The following MAP4K4 variants were observed in gnomAD, a reference collection of about 807,000 sequenced individuals.
MAP4K4 encodes HPK/GCK-like kinase HGK.
In MAP4K4, 38 loss-of-function variants were observed where a neutral mutation model predicts 189.6. The ratio of observed to expected loss-of-function variants is 0.20; its 90% CI spans 0.15 to 0.26. The LOEUF (loss-of-function observed/expected upper bound fraction) is 0.26. MAP4K4 is among the 10% of genes least tolerant of loss of function. The pLI is 1.00. For missense variants in MAP4K4, 1,054 were observed against 1,726.9 expected (o/e 0.61, Z 6.91); for synonymous variants, 610 against 624.3 (o/e 0.98, Z 0.34).
At chr2:101,812,893 C>T (rs1477127100) in intron 3 of MAP4K4, among the ~76,000 whole-genome samples, 3 of 152,070 alleles carry the variant, frequency 2.0e-5, no homozygotes, top group South Asian at 2.1e-4. Context: ...TTTGGGAGGC[C>T]GAGGTGGGCG....
chr2:101,887,388 C>A, intron 30 of MAP4K4, 151 bp downstream of exon 30: 2 of 723,016 alleles, frequency 2.8e-6, no homozygotes, highest in Non-Finnish European at 4.3e-6. Context: ...TTTTCAATAG[C>A]TCCATGCTCT....
intron 2 of MAP4K4, among the ~76,000 whole-genome samples, chr2:101,703,721 A>C (rs1281660037): frequency 6.6e-6 from 1 of 151,772 alleles, no homozygotes; most frequent in East Asian, 1.9e-4. Flanking sequence ...TGGCTTTTAA[A>C]AATCATTAGG....
At chr2:101,754,025 G>A (rs1286616015) in intron 2 of MAP4K4, among the ~76,000 whole-genome samples, 1 of 152,080 alleles carries the variant, frequency 6.6e-6, no homozygotes, top group Admixed American at 6.6e-5. Context: ...TTGACAAGCC[G>A]AATATGGCAT....
intron 2 of MAP4K4, among the ~76,000 whole-genome samples, chr2:101,764,515 G>T (rs920033217): frequency 6.6e-6 from 1 of 152,166 alleles, no homozygotes; most frequent in Non-Finnish European, 1.5e-5. Context: ...TATGTGCAAG[G>T]ACATGTTTGA....
chr2:101,712,903 C>CTT lies in MAP4K4; in HGVS notation c.123+14381_123+14382dup, dbSNP rs34317575. Among the ~76,000 whole-genome samples the CTT allele has an allele frequency of 3.2e-3, 422 of 130,560 alleles. 2 individuals are homozygous for CTT. The highest frequency in any genetic ancestry group is 0.011 in the African/African-American group (398 of 35,378). 85.7% of individuals were successfully genotyped at this position (130,560 alleles called of 152,430 possible). On this transcript the variant is annotated intron_variant, in intron 2 of 32. Transcript: ENST00000324219. ...TTAAAAGTTTCTGTTAAACCAAAAT[C>CTT]TTTTTTTTTTTTTTTTTGAGACAGA...
chr2:101,832,371 T>TA (rs2096616959), intron 7 of MAP4K4, among the ~76,000 whole-genome samples: 1 of 152,204 alleles, frequency 6.6e-6, no homozygotes, highest in Non-Finnish European at 1.5e-5. Flanking sequence ...CTCAGGTTAC[T>TA]ATGTTTACAA....
At chr2:101,754,645 C>T (rs184280620) in intron 2 of MAP4K4, among the ~76,000 whole-genome samples, 177 of 152,298 alleles carry the variant, frequency 1.2e-3, no homozygotes, top group Admixed American at 3.0e-3. Context: ...TGAGCCACCA[C>T]GTCCAGCCTA....
At chr2:101,850,570 T>G (rs965419860) in intron 12 of MAP4K4, among the ~76,000 whole-genome samples, 8 of 152,104 alleles carry the variant, frequency 5.3e-5, no homozygotes, top group Non-Finnish European at 1.2e-4. Flanking sequence ...ACATTAGGAG[T>G]ACATGTTAGC....
chr2:101,877,516 G>T (rs538687738), intron 27 of MAP4K4, among the ~76,000 whole-genome samples: 1 of 141,384 alleles, frequency 7.1e-6, no homozygotes. Flanking sequence ...TTGCTGTGTC[G>T]CCAGGCTGGA....
At chr2:101,863,771 C>A (rs1340072754) in intron 16 of MAP4K4, 50 bp from the exon 17 acceptor site, 1 of 1,273,086 alleles carries the variant, frequency 7.9e-7, no homozygotes, top group Non-Finnish European at 1.1e-6. Flanking sequence ...CCAGAAAAGC[C>A]AGTTTTATGC....
chr2:101,752,143 C>T (rs1037615509), intron 2 of MAP4K4, among the ~76,000 whole-genome samples: 2 of 152,114 alleles, frequency 1.3e-5, no homozygotes, highest in African/African-American at 4.8e-5. Context: ...TTCTGAACCT[C>T]CCTGTTTTTC....
At chr2:101,882,463 G>GTGAT (rs2098415442) in intron 27 of MAP4K4, 88 bp from the exon 28 acceptor site, 2 of 1,072,814 alleles carry the variant, frequency 1.9e-6, no homozygotes, top group Non-Finnish European at 2.6e-6. Flanking sequence ...CTGGCCTTAA[G>GTGAT]TGATTGATTT....
rs1445552089 is a variant in MAP4K4 at position 101,775,061 on chromosome 2, GC to G, written c.124-15658del. ...TTTTTTTTTTTTTTTTTTTAAAGGG[GC>G]TGAGTGATGGTTGTAGGCATTCGTG... On this transcript the variant is annotated intron_variant, in intron 2 of 32. Transcript: ENST00000324219. 3.2e-4 allele frequency among the ~76,000 whole-genome samples: 48 copies of G among 148,950 alleles called. 1 individual carries two copies. Among genetic ancestry groups the G allele is most frequent in the African/African-American group, 1.1e-3 (46 of 40,418 alleles).
intron 2 of MAP4K4, among the ~76,000 whole-genome samples, chr2:101,755,145 T>TA (rs1230923374): frequency 7.4e-5 from 11 of 148,884 alleles, no homozygotes; most frequent in Non-Finnish European, 8.9e-5. Flanking sequence ...GTCAAATACT[T>TA]AAAAAAAAAA....
At chr2:101,722,501 G>C (rs1252859837) in intron 2 of MAP4K4, among the ~76,000 whole-genome samples, 2 of 152,144 alleles carry the variant, frequency 1.3e-5, no homozygotes, top group African/African-American at 4.8e-5. Context: ...GAGAGAAAGA[G>C]GTAAATAAAG....
intron 2 of MAP4K4, among the ~76,000 whole-genome samples, chr2:101,762,728 C>T (rs1401992216): frequency 2.0e-5 from 3 of 152,186 alleles, no homozygotes; most frequent in Admixed American, 6.5e-5. Context: ...GTACTGTTGT[C>T]TCACTGGGGC....
chr2:101,703,064 G>C (rs1299903565), intron 2 of MAP4K4, among the ~76,000 whole-genome samples: 1 of 152,136 alleles, frequency 6.6e-6, no homozygotes, highest in Non-Finnish European at 1.5e-5. Context: ...AAGCATTGAG[G>C]AGTCACTGAA....
At chr2:101,835,544 A>G (rs372337235) in intron 8 of MAP4K4, among the ~76,000 whole-genome samples, 2 of 152,224 alleles carry the variant, frequency 1.3e-5, no homozygotes, top group South Asian at 4.1e-4. Context: ...TGCAAGCCAT[A>G]TCTTATTTAA....
rs558312626 is a variant in MAP4K4, at chr2:101,756,508, TG to T, written c.124-34211del. On this transcript the variant is annotated intron_variant, in intron 2 of 32. Coordinates refer to ENST00000324219, the Ensembl canonical transcript of MAP4K4. Reference sequence around the variant, plus strand: ...TTAGTGACAGGACTGGAATCTGACCTGTGTCCTCTGGGGTCTGGTTCATCTT... The same window carrying T: ...TTAGTGACAGGACTGGAATCTGACCTTGTCCTCTGGGGTCTGGTTCATCTT... Among the ~76,000 whole-genome samples, 6 of 152,284 alleles carry T rather than the reference TG, an allele frequency of 3.9e-5. No individual in the cohort carries two copies. The South Asian group carries it at 1.2e-3, about 32-fold the overall frequency.
Sources: gnomAD v4.1 joint callset for allele counts (sites outside exome capture counted in the v4.1 genomes callset) on GRCh38, gnomAD v4.1.1 for gene constraint, MANE v1.5 for transcripts, NCBI Gene and HGNC (gene_info 2026-07-23, HGNC 2026-07-21) for gene names.